Variants in ABRAXAS2 observed in about 807,000 individuals in gnomAD.
ABRAXAS2 encodes the protein BRISC complex subunit Abraxas 2.
Under a neutral mutation model 49.0 loss-of-function variants are expected in ABRAXAS2, and 23 were observed. The ratio of observed to expected loss-of-function variants is 0.47; its 90% confidence interval spans 0.34 to 0.66. The LOEUF is 0.66. ABRAXAS2 is among the 30% of genes least tolerant of loss of function. The probability of loss-of-function intolerance (pLI) is 0.01; values close to 1 mark genes in which losing one functional copy is unlikely to be tolerated. For synonymous variants in ABRAXAS2, 168 were observed against 180.2 expected (o/e 0.93, Z 0.54); for missense variants, 443 against 511.9 (o/e 0.87, Z 1.30).
intron 7 of ABRAXAS2, among the ~76,000 whole-genome samples, chr10:124,830,056 G>A (rs1441180891): frequency 6.6e-6 from 1 of 152,134 alleles, no homozygotes; most frequent in Non-Finnish European, 1.5e-5. Flanking sequence ...TAAAACCTAA[G>A]AACAAAAGAG....
intron 4 of ABRAXAS2, among the ~76,000 whole-genome samples, chr10:124,822,056 A>G (rs1033452675): frequency 1.3e-5 from 2 of 152,228 alleles, no homozygotes; most frequent in African/African-American, 4.8e-5. Context: ...TGATGGAGCC[A>G]TGGTTTAAAC....
chr10:124,813,176 G>C lies in ABRAXAS2; in HGVS notation c.164-3400G>C, dbSNP rs548836160. Among the ~76,000 whole-genome samples, 409 of 152,326 alleles carry C rather than the reference G, an allele frequency of 2.7e-3. 2 individuals carry two copies. The highest frequency in any genetic ancestry group is 0.017 in the Middle Eastern group (5 of 294). On this transcript the variant is annotated intron_variant, in intron 2 of 8. Transcript: ENST00000298492. ...AGATCGTGCCACTGCACTCCAGCCT[G>C]GGCGACAAAGCGAGACTCCATCTCA...
intron 5 of ABRAXAS2, among the ~76,000 whole-genome samples, chr10:124,827,387 C>T (rs1490338870): frequency 6.6e-6 from 1 of 151,922 alleles, no homozygotes; most frequent in Non-Finnish European, 1.5e-5. Flanking sequence ...GTTTTGAACT[C>T]CTGACCTCAG....
In ABRAXAS2 at chr10:124,827,091, C is replaced by CA. The variant is rs74221364; in HGVS notation, c.458+321dup. ...CTGGCAACAGAGCAAGAATCCATCT[C>CA]AAAAAAAAAAAAAAAGGATGTTGGT... On this transcript the variant is annotated intron_variant, in intron 5 of 8. Transcript: ENST00000298492. Among the ~76,000 whole-genome samples the CA allele has an allele frequency of 2.3e-3, 198 of 84,340 alleles. 1 individual carries two copies. The highest frequency in any genetic ancestry group is 3.9e-3 in the South Asian group (10 of 2,596). The allele number at this position is 84,340 out of a possible 152,430, so 55.3% of individuals were successfully genotyped here. A position where few individuals can be genotyped will look rare whatever the true frequency, so the allele number is the denominator to read the frequency against.
chr10:124,806,548 T>C (rs942982152), intron 1 of ABRAXAS2, among the ~76,000 whole-genome samples: 1 of 152,232 alleles, frequency 6.6e-6, no homozygotes, highest in Non-Finnish European at 1.5e-5. Flanking sequence ...TTGGTTATGA[T>C]ACTTAAGATT....
chr10:124,825,968 CAACA>C (rs1310205815), intron 4 of ABRAXAS2, among the ~76,000 whole-genome samples: 1 of 152,078 alleles, frequency 6.6e-6, no homozygotes, highest in East Asian at 1.9e-4. Flanking sequence ...TCCTGATGAC[CAACA>C]AATCACATTA....
chr10:124,805,516 G>A (rs1303753199), intron 1 of ABRAXAS2, among the ~76,000 whole-genome samples: 1 of 152,196 alleles, frequency 6.6e-6, no homozygotes, highest in Non-Finnish European at 1.5e-5. Context: ...TGTTAGTGAG[G>A]CACCTACTAA....
intron 2 of ABRAXAS2, among the ~76,000 whole-genome samples, chr10:124,811,002 G>A (rs56342414): frequency 2.0e-5 from 3 of 150,474 alleles, no homozygotes; most frequent in Admixed American, 6.6e-5. Context: ...GGTGGATCAC[G>A]AGGTCAGGAG....
In ABRAXAS2 at chr10:124,828,665, C is replaced by T. The variant is rs531677237; in HGVS notation, c.459-91C>T. On this transcript the variant is annotated intron_variant, in intron 5 of 8. Coordinates refer to ENST00000298492, the MANE Select transcript of ABRAXAS2 (RefSeq NM_032182.4). Reference sequence around the variant, plus strand: ...CTGAGATTAGAGGTGTGAGCCACCACACCCAGCCCTTTTTTTTTTTAGACT... The same window carrying T: ...CTGAGATTAGAGGTGTGAGCCACCATACCCAGCCCTTTTTTTTTTTAGACT... The T allele has an allele frequency of 1.0e-3, 1,349 of 1,294,710 alleles. 3 individuals are homozygous for T. The highest frequency in any genetic ancestry group is 1.3e-3 in the Non-Finnish European group (1,242 of 940,360). 80.2% of individuals were successfully genotyped at this position (1,294,710 alleles called of 1,614,324 possible).
At chr10:124,809,215 C>T (rs1215245286) in intron 2 of ABRAXAS2, among the ~76,000 whole-genome samples, 1 of 152,134 alleles carries the variant, frequency 6.6e-6, no homozygotes, top group Non-Finnish European at 1.5e-5. Context: ...ATGTTGGGAG[C>T]AAATAATTAA....
chr10:124,820,796 A>G (rs562803227), intron 4 of ABRAXAS2, among the ~76,000 whole-genome samples: 1 of 152,256 alleles, frequency 6.6e-6, no homozygotes, highest in South Asian at 2.1e-4. Context: ...TATACTTTCT[A>G]AAACTAAAAT....
chr10:124,811,929 C>G (rs974458914), intron 2 of ABRAXAS2, among the ~76,000 whole-genome samples: 1 of 152,042 alleles, frequency 6.6e-6, no homozygotes, highest in Non-Finnish European at 1.5e-5. Context: ...AGGCATGCAC[C>G]ACCATGACCC....
At chr10:124,825,701 A>G (rs919955179) in intron 4 of ABRAXAS2, among the ~76,000 whole-genome samples, 2 of 152,242 alleles carry the variant, frequency 1.3e-5, no homozygotes, top group African/African-American at 4.8e-5. Flanking sequence ...ATTTTAACTC[A>G]GAGTTGGTTT....
intron 2 of ABRAXAS2, among the ~76,000 whole-genome samples, chr10:124,815,892 C>CTTTTT (rs34730970): frequency 2.1e-5 from 2 of 94,666 alleles, no homozygotes; most frequent in African/African-American, 4.1e-5. Context: ...GTCCTCGCAG[C>CTTTTT]TTTTTTTTTT....
chr10:124,831,478 A>C lies in ABRAXAS2; in HGVS notation c.778+15A>C. The C allele has an allele frequency of 7.4e-7, 1 of 1,352,100 alleles. No homozygotes were observed. Among genetic ancestry groups the C allele is most frequent in the Non-Finnish European group, 1.1e-6 (1 of 945,928 alleles). 83.8% of individuals were successfully genotyped at this position (1,352,100 alleles called of 1,614,324 possible). A position where few individuals can be genotyped will look rare whatever the true frequency, so the allele number is the denominator to read the frequency against. ...ACAAGAAAGAAGTAAGTTTCTTATT[A>C]ATTTTACCATTCAGTATCAGGGAAA... On this transcript the variant is annotated intron_variant, in intron 8 of 8. Coordinates refer to ENST00000298492, the MANE Select transcript of ABRAXAS2 (RefSeq NM_032182.4).
At chr10:124,808,987 C>A (rs527541610) in intron 2 of ABRAXAS2, among the ~76,000 whole-genome samples, 1 of 151,776 alleles carries the variant, frequency 6.6e-6, no homozygotes, top group Non-Finnish European at 1.5e-5. Flanking sequence ...AAAAATTAGC[C>A]GGGTGTGGTG....
At chr10:124,822,231 G>A (rs572325977) in intron 4 of ABRAXAS2, among the ~76,000 whole-genome samples, 4 of 152,292 alleles carry the variant, frequency 2.6e-5, no homozygotes, top group Non-Finnish European at 5.9e-5. Flanking sequence ...CAAAGAAGGA[G>A]AGAGGTTTTC....
intron 3 of ABRAXAS2, among the ~76,000 whole-genome samples, chr10:124,818,008 A>G (rs1430086502): frequency 1.3e-5 from 2 of 152,094 alleles, no homozygotes; most frequent in Admixed American, 6.6e-5. Flanking sequence ...TGACTGTCCA[A>G]AGCTTCTCTA....
chr10:124,805,130 G>A (rs1950732383), intron 1 of ABRAXAS2, among the ~76,000 whole-genome samples: 1 of 151,856 alleles, frequency 6.6e-6, no homozygotes, highest in Admixed American at 6.6e-5. Context: ...TCAGGAGATC[G>A]AGACCATCCT....
Sources: allele counts gnomAD v4.1 joint callset (sites outside exome capture counted in the v4.1 genomes callset), GRCh38; gene constraint gnomAD v4.1.1; transcripts MANE v1.5; gene names NCBI Gene and HGNC (gene_info 2026-07-23, HGNC 2026-07-21).